CNTN1: variants seen among roughly 807,000 people sequenced by gnomAD.
CNTN1 encodes the protein contactin-1.
Under a neutral mutation model 126.4 loss-of-function variants are expected in CNTN1, and 38 were observed. That is an observed-to-expected ratio of 0.30 (90% CI 0.23 to 0.39). The LOEUF is 0.39. Among genes scored for constraint, CNTN1 ranks in the 10% least tolerant of loss-of-function variants. The pLI, the probability that CNTN1 is intolerant of heterozygous loss-of-function variation, is 1.00. For missense variants in CNTN1, 1,009 were observed against 1,248.4 expected (o/e 0.81, Z 2.89); for synonymous variants, 413 against 422.6 (o/e 0.98, Z 0.28).
intron 20 of CNTN1, 105 bp downstream of exon 20, chr12:41,020,545 C>G (rs1364406094): frequency 1.4e-6 from 1 of 730,336 alleles, no homozygotes; most frequent in East Asian, 2.8e-5. Flanking sequence ...TATGTGGCAA[C>G]TAATACTTTA....
rs1201784735 is a variant in CNTN1 at position 40,729,446 on chromosome 12, A to G, written c.-77+36854A>G. On this transcript the variant is annotated intron_variant, in intron 1 of 23. Coordinates refer to ENST00000551295, the MANE Select transcript of CNTN1 (RefSeq NM_001843.4). ...TTATTGCATTGGTTATGATGGGGAC[A>G]TGATTAAGACATATTTTATTGGCAG... is the stretch of plus-strand genomic sequence containing the variant. 6 of 163,106 alleles carry G rather than the reference A, an allele frequency of 3.7e-5. No homozygotes were observed. In the East Asian group the frequency reaches 9.6e-4, roughly 26 times the overall value. 10.1% of individuals were successfully genotyped at this position (163,106 alleles called of 1,614,324 possible). A position where few individuals can be genotyped will look rare whatever the true frequency, so the allele number is the denominator to read the frequency against.
At chr12:40,997,258 G>A (rs12306486) in intron 17 of CNTN1, among the ~76,000 whole-genome samples, 26 of 152,280 alleles carry the variant, frequency 1.7e-4, no homozygotes, top group African/African-American at 6.3e-4. Flanking sequence ...AGGTTCAGTT[G>A]GTGAGTCCAC....
intron 1 of CNTN1, among the ~76,000 whole-genome samples, chr12:40,867,633 A>T (rs1943344489): frequency 6.6e-6 from 1 of 152,128 alleles, no homozygotes; most frequent in African/African-American, 2.4e-5. Context: ...GTCAATTTAA[A>T]AATAACTTGT....
intron 1 of CNTN1, among the ~76,000 whole-genome samples, chr12:40,842,517 A>G (rs2136587311): frequency 6.6e-6 from 1 of 152,190 alleles, no homozygotes; most frequent in East Asian, 1.9e-4. Flanking sequence ...CCCCCATAAT[A>G]TATATAACTT....
At chr12:40,949,740 A>T (rs1566018850) in intron 14 of CNTN1, among the ~76,000 whole-genome samples, 1 of 150,094 alleles carries the variant, frequency 6.7e-6, no homozygotes, top group Non-Finnish European at 1.5e-5. Context: ...ACACCTGACC[A>T]TTTTTTTGTA....
intron 15 of CNTN1, among the ~76,000 whole-genome samples, chr12:40,960,965 A>G (rs1947088393): frequency 6.6e-6 from 1 of 152,098 alleles, no homozygotes; most frequent in Non-Finnish European, 1.5e-5. Context: ...GTAAACTCAT[A>G]GTACTATTAC....
intron 1 of CNTN1, among the ~76,000 whole-genome samples, chr12:40,880,630 T>G (rs1424971810): frequency 4.6e-5 from 7 of 152,128 alleles, no homozygotes; most frequent in Non-Finnish European, 2.9e-5. Flanking sequence ...TGTGCGTCAC[T>G]TAGTACTCCT....
chr12:40,789,172 G>A (rs767659083), intron 1 of CNTN1, among the ~76,000 whole-genome samples: 36 of 152,056 alleles, frequency 2.4e-4, no homozygotes, highest in Non-Finnish European at 4.9e-4. Context: ...ATTTCTTTGT[G>A]TGACTTTCTG....
chr12:40,908,463 G>A lies in CNTN1; in HGVS notation c.31G>A (p.Val11Met). ...AATGTGGTTGCTGGTCAGTCATCTT[G>A]TGATAATATCTATTACTACCTGTTT... MKMWLLVSHLVIISITTCLAE... is the reference protein window; with the variant it reads MKMWLLVSHLMIISITTCLAE... Residue 11 changes from valine (V) to methionine (M), a missense_variant, in exon 2 of 24, where the codon GTG becomes ATG. Val to Met is a conservative substitution (Grantham distance 21). Transcript: ENST00000551295. The A allele has an allele frequency of 6.2e-6, 10 of 1,612,390 alleles. No individual in the cohort carries two copies. The highest frequency in any genetic ancestry group is 7.6e-6 in the Non-Finnish European group (9 of 1,179,042).
intron 1 of CNTN1, among the ~76,000 whole-genome samples, chr12:40,819,476 A>AGTGTG (rs1211434895): frequency 2.0e-5 from 3 of 152,154 alleles, no homozygotes; most frequent in Non-Finnish European, 2.9e-5. Context: ...TTCCACAGCA[A>AGTGTG]GTGTGCTGTG....
intron 1 of CNTN1, among the ~76,000 whole-genome samples, chr12:40,768,136 A>G (rs1939190455): frequency 6.6e-6 from 1 of 152,256 alleles, no homozygotes; most frequent in African/African-American, 2.4e-5. Flanking sequence ...ATTCCTTTAC[A>G]ACATTTGTAT....
At chr12:40,861,627 A>G (rs900413353) in intron 1 of CNTN1, among the ~76,000 whole-genome samples, 4 of 152,096 alleles carry the variant, frequency 2.6e-5, no homozygotes, top group East Asian at 1.9e-4. Flanking sequence ...CACTCACTCT[A>G]TAATAATCCT....
chr12:40,912,330 T>G (rs7312528), intron 3 of CNTN1, among the ~76,000 whole-genome samples: 22,485 of 151,744 alleles, frequency 0.15, 2,392 homozygotes, highest in African/African-American at 0.31. Context: ...AATTAATAAC[T>G]AAATCATTTG....
intron 5 of CNTN1, among the ~76,000 whole-genome samples, chr12:40,923,049 GT>G (rs1945507461): frequency 7.3e-5 from 11 of 151,696 alleles, no homozygotes; most frequent in African/African-American, 2.7e-4. Flanking sequence ...CCCTAAGGGG[GT>G]GAAAATTGTC....
intron 23 of CNTN1, among the ~76,000 whole-genome samples, chr12:41,048,087 C>A (rs1359674736): frequency 6.6e-6 from 1 of 152,140 alleles, no homozygotes. Context: ...GCTACTCTAA[C>A]TTCACCATAC....
intron 1 of CNTN1, among the ~76,000 whole-genome samples, chr12:40,802,370 G>T (rs1264269104): frequency 6.6e-6 from 1 of 151,988 alleles, no homozygotes; most frequent in Non-Finnish European, 1.5e-5. Flanking sequence ...GGTAACTTCA[G>T]TATGGTCATG....
intron 1 of CNTN1, among the ~76,000 whole-genome samples, chr12:40,854,949 CA>C (rs1942848662): frequency 6.6e-6 from 1 of 152,044 alleles, no homozygotes; most frequent in Admixed American, 6.6e-5. Flanking sequence ...TATAGGGGAA[CA>C]GTGGCAATGT....
intron 23 of CNTN1, among the ~76,000 whole-genome samples, chr12:41,042,487 T>G (rs1264551924): frequency 6.6e-6 from 1 of 152,122 alleles, no homozygotes. Context: ...ACTTTCTGTC[T>G]CGTTGATCTG....
intron 21 of CNTN1, among the ~76,000 whole-genome samples, chr12:41,026,582 T>C (rs1246236253): frequency 6.6e-6 from 1 of 151,984 alleles, no homozygotes; most frequent in Non-Finnish European, 1.5e-5. Context: ...AACCTTAAGG[T>C]GAAGAGCACT....
Sources: allele counts gnomAD v4.1 joint callset (sites outside exome capture counted in the v4.1 genomes callset), GRCh38; gene constraint gnomAD v4.1.1; transcripts MANE v1.5; gene names NCBI Gene and HGNC (gene_info 2026-07-23, HGNC 2026-07-21).